KIAA1958: variants seen among roughly 807,000 people sequenced by gnomAD.
The protein encoded by KIAA1958 is uncharacterized protein KIAA1958.
A neutral mutation model predicts 47.2 loss-of-function variants in KIAA1958; 14 were observed. That is an observed-to-expected ratio of 0.30 (90% CI 0.20 to 0.46). The LOEUF is 0.46. Ranked by LOEUF, KIAA1958 falls within the 20% of genes least tolerant of loss-of-function variation. The pLI is 1.00. For missense variants in KIAA1958, 803 were observed against 909.2 expected (o/e 0.88, Z 1.50); for synonymous variants, 354 against 353.3 (o/e 1.00, Z -0.02).
intron 1 of KIAA1958, among the ~76,000 whole-genome samples, chr9:112,547,982 T>C (rs190040884): frequency 8.0e-5 from 12 of 149,608 alleles, no homozygotes; most frequent in Non-Finnish European, 1.2e-4. Flanking sequence ...TTTCAACCAA[T>C]TGCCAGTCAG....
chr9:112,642,265 G>C (rs1029639308), intron 2 of KIAA1958, among the ~76,000 whole-genome samples: 4 of 152,184 alleles, frequency 2.6e-5, no homozygotes, highest in Admixed American at 1.3e-4. Flanking sequence ...TCATGAATAG[G>C]CTTCCCTTCA....
chr9:112,488,833 T>G (rs1211320728), intron 1 of KIAA1958, among the ~76,000 whole-genome samples: 1 of 152,184 alleles, frequency 6.6e-6, no homozygotes, highest in East Asian at 1.9e-4. Context: ...AAAATAGTGC[T>G]TTTTTCTAGG....
chr9:112,551,727 G>A (rs1370438772), intron 1 of KIAA1958, among the ~76,000 whole-genome samples: 3 of 152,060 alleles, frequency 2.0e-5, no homozygotes, highest in Non-Finnish European at 4.4e-5. Context: ...GTTTTCCCAG[G>A]GGCCTCTCTC....
At chr9:112,544,355 A>G (rs1588010793) in intron 1 of KIAA1958, among the ~76,000 whole-genome samples, 1 of 152,204 alleles carries the variant, frequency 6.6e-6, no homozygotes, top group African/African-American at 2.4e-5. Context: ...AACTCATGCC[A>G]TGCTATTTTG....
intron 2 of KIAA1958, among the ~76,000 whole-genome samples, chr9:112,622,578 G>T (rs1231378765): frequency 6.6e-6 from 1 of 152,106 alleles, no homozygotes; most frequent in East Asian, 1.9e-4. Flanking sequence ...ATTAGGGCTG[G>T]TCTGAATATG....
chr9:112,511,931 G>A (rs1026916827), intron 1 of KIAA1958, among the ~76,000 whole-genome samples: 1 of 152,044 alleles, frequency 6.6e-6, no homozygotes, highest in African/African-American at 2.4e-5. Context: ...TATATAAAAT[G>A]GATAAATTTA....
chr9:112,641,418 C>CTT (rs200818812), intron 2 of KIAA1958, among the ~76,000 whole-genome samples: 3 of 75,694 alleles, frequency 4.0e-5, no homozygotes, highest in Middle Eastern at 0.018. Context: ...CTCTTGGTGG[C>CTT]TTTTTTTTTT....
intron 1 of KIAA1958, among the ~76,000 whole-genome samples, chr9:112,515,769 C>T (rs1379327252): frequency 1.9e-5 from 2 of 102,862 alleles, no homozygotes; most frequent in Non-Finnish European, 3.9e-5. Flanking sequence ...GGGTCCTCTG[C>T]CTAGGAAAAC....
At chr9:112,565,372 G>A (rs973269734) in intron 1 of KIAA1958, among the ~76,000 whole-genome samples, 1 of 152,182 alleles carries the variant, frequency 6.6e-6, no homozygotes, top group Non-Finnish European at 1.5e-5. Context: ...CCAAAGTGCT[G>A]GGATTACAGG....
chr9:112,660,426 TA>T lies in KIAA1958; in HGVS notation c.*367del, dbSNP rs778506131. The T allele has an allele frequency of 2.8e-3, 631 of 222,148 alleles. No individual in the cohort carries two copies. The highest frequency in any genetic ancestry group is 7.2e-3 in the East Asian group (75 of 10,366). 13.8% of individuals were successfully genotyped at this position (222,148 alleles called of 1,614,324 possible). ...AAAAGGAAACTGTTAAGTAGTCGTT[TA>T]AAAAAAAAATCCCAGTAGCGCAGTA... On this transcript the variant is annotated 3_prime_UTR_variant, in exon 4 of 4. Coordinates refer to ENST00000337530, the MANE Select transcript of KIAA1958 (RefSeq NM_133465.4).
intron 1 of KIAA1958, among the ~76,000 whole-genome samples, chr9:112,524,708 G>A (rs1834610328): frequency 6.6e-6 from 1 of 152,164 alleles, no homozygotes; most frequent in Non-Finnish European, 1.5e-5. Context: ...TAAGCAGTTG[G>A]AATGTGGCTT....
rs374001382 is a variant in KIAA1958, at chr9:112,610,589, G to C, written c.1172-35061G>C. On this transcript the variant is annotated intron_variant, in intron 2 of 3. Coordinates refer to ENST00000337530, the MANE Select transcript of KIAA1958 (RefSeq NM_133465.4). The stretch of plus-strand genomic sequence containing the variant: ...CAACTCTATGCAAATCACCTTAAAA[G>C]CTTGGAAGAAGTAGATGATTTTCTA... Among the ~76,000 whole-genome samples, 8 of 152,094 alleles carry C rather than the reference G, an allele frequency of 5.3e-5. No individual in the cohort carries two copies. In the East Asian group the frequency reaches 1.5e-3, roughly 29 times the overall value.
intron 2 of KIAA1958, among the ~76,000 whole-genome samples, chr9:112,575,790 T>C (rs1835635329): frequency 6.6e-6 from 1 of 152,202 alleles, no homozygotes; most frequent in African/African-American, 2.4e-5. Context: ...TCTCTTAAAA[T>C]TTAAAAGAAT....
chr9:112,620,448 C>G (rs1588043079), intron 2 of KIAA1958, among the ~76,000 whole-genome samples: 1 of 152,146 alleles, frequency 6.6e-6, no homozygotes, highest in Non-Finnish European at 1.5e-5. Context: ...TTTGCTAAAT[C>G]ATCACAGAGC....
chr9:112,525,014 CT>C (rs140221265), intron 1 of KIAA1958, among the ~76,000 whole-genome samples: 16,745 of 148,280 alleles, frequency 0.11, 1,359 homozygotes, highest in East Asian at 0.2. Flanking sequence ...GCCTGAGAAC[CT>C]AATATCATTT....
chr9:112,582,736 A>C (rs904719173), intron 2 of KIAA1958: 2 of 151,934 alleles, frequency 1.3e-5, no homozygotes, highest in Non-Finnish European at 2.9e-5. Context: ...AAAAAAAAAA[A>C]CAGACAAAAA....
At chr9:112,571,833 TA>T (rs1481488990) in intron 1 of KIAA1958, among the ~76,000 whole-genome samples, 1 of 132,748 alleles carries the variant, frequency 7.5e-6, no homozygotes, top group Non-Finnish European at 1.6e-5. Flanking sequence ...AAAATAAAAA[TA>T]AAAAATAAAA....
intron 1 of KIAA1958, among the ~76,000 whole-genome samples, chr9:112,512,644 C>T (rs1056043518): frequency 2.3e-4 from 35 of 151,502 alleles, no homozygotes; most frequent in African/African-American, 8.0e-4. Flanking sequence ...GTAAGTCAGG[C>T]AATAGACTGA....
intron 3 of KIAA1958, among the ~76,000 whole-genome samples, chr9:112,656,209 C>T (rs965026506): frequency 2.6e-5 from 4 of 151,736 alleles, no homozygotes; most frequent in African/African-American, 7.3e-5. Context: ...CCCGTTTCTA[C>T]TAAAAAATAC....
Sources: gnomAD v4.1 joint callset for allele counts (sites outside exome capture counted in the v4.1 genomes callset) on GRCh38, gnomAD v4.1.1 for gene constraint, MANE v1.5 for transcripts, NCBI Gene and HGNC (gene_info 2026-07-23, HGNC 2026-07-21) for gene names.